CALN1: variants seen among roughly 807,000 people sequenced by gnomAD.
CALN1 encodes the protein calneuron 1, also known as calcium-binding protein 8.
Under a neutral mutation model 30.6 loss-of-function variants are expected in CALN1, and 17 were observed. That is an observed-to-expected ratio of 0.56 (90% CI 0.38 to 0.83). The LOEUF (loss-of-function observed/expected upper bound fraction) is 0.83, where lower values mean the gene tolerates loss of function less well. Among genes scored for constraint, CALN1 ranks in the 40% least tolerant of loss-of-function variants. The probability of loss-of-function intolerance (pLI) is 0.00; values close to 1 mark genes in which losing one functional copy is unlikely to be tolerated. For missense variants in CALN1, 291 were observed against 354.9 expected (o/e 0.82, Z 1.45); for synonymous variants, 156 against 131.4 (o/e 1.19, Z -1.28).
intron 5 of CALN1, among the ~76,000 whole-genome samples, chr7:71,822,723 A>G (rs1788667342): frequency 6.6e-6 from 1 of 152,222 alleles, no homozygotes; most frequent in South Asian, 2.1e-4. Context: ...TCTTGTATGT[A>G]ATAAGATTAA....
At chr7:72,212,753 T>C (rs1005330834) in intron 3 of CALN1, among the ~76,000 whole-genome samples, 13 of 150,414 alleles carry the variant, frequency 8.6e-5, no homozygotes, top group African/African-American at 2.9e-4. Context: ...GTTGGAGGCC[T>C]CAATGAGTTA....
chr7:72,344,679 GTA>G (rs1223972272), intron 2 of CALN1, among the ~76,000 whole-genome samples: 1 of 144,302 alleles, frequency 6.9e-6, no homozygotes, highest in Non-Finnish European at 1.5e-5. Flanking sequence ...TTTTATTTAT[GTA>G]TATAATTATT....
chr7:71,936,883 G>A lies in CALN1; in HGVS notation c.501+86774C>T, dbSNP rs113500518. Among the ~76,000 whole-genome samples the A allele has an allele frequency of 4.0e-3, 612 of 151,346 alleles. 4 individuals carry two copies. Among genetic ancestry groups the A allele is most frequent in the Non-Finnish European group, 6.9e-3 (470 of 68,020 alleles). On this transcript the variant is annotated intron_variant, in intron 5 of 6. Coordinates refer to ENST00000395275, the MANE Select transcript of CALN1 (RefSeq NM_031468.4). ...GTAGTGAGTAAGTCTCATGAGATCT[G>A]ATGGTTTTATCAGGAGTTTCTGCTT...
At chr7:72,002,261 T>C (rs1379920083) in intron 5 of CALN1, among the ~76,000 whole-genome samples, 1 of 152,154 alleles carries the variant, frequency 6.6e-6, no homozygotes, top group Non-Finnish European at 1.5e-5. Context: ...ACACCTAATA[T>C]ACTGAACATC....
intron 4 of CALN1, among the ~76,000 whole-genome samples, chr7:72,038,807 G>C (rs1801956437): frequency 3.3e-5 from 5 of 152,102 alleles, no homozygotes; most frequent in Admixed American, 3.3e-4. Flanking sequence ...ACATCAAGAA[G>C]TTACCCTATA....
chr7:71,877,044 C>T (rs1009167923), intron 5 of CALN1, among the ~76,000 whole-genome samples: 1 of 151,810 alleles, frequency 6.6e-6, no homozygotes, highest in African/African-American at 2.4e-5. Context: ...CTGATGAAAC[C>T]AGAAATTGAT....
At chr7:72,125,656 T>C (rs1379875422) in intron 3 of CALN1, among the ~76,000 whole-genome samples, 1 of 152,124 alleles carries the variant, frequency 6.6e-6, no homozygotes, top group Middle Eastern at 3.2e-3. Context: ...TTTTGTTACA[T>C]GGATAAGTTC....
intron 5 of CALN1, among the ~76,000 whole-genome samples, chr7:71,822,999 A>T (rs959211070): frequency 1.3e-5 from 2 of 152,198 alleles, no homozygotes; most frequent in Non-Finnish European, 2.9e-5. Flanking sequence ...GAACATTTAA[A>T]ACTATTTGAC....
chr7:72,431,283 T>TAAATA (rs1267134266), intron 1 of CALN1, among the ~76,000 whole-genome samples: 1 of 152,092 alleles, frequency 6.6e-6, no homozygotes. Context: ...TGGTGGGCCC[T>TAAATA]TTTCTTCAGG....
At chr7:72,325,398 C>T (rs1016452201) in intron 2 of CALN1, among the ~76,000 whole-genome samples, 4 of 152,066 alleles carry the variant, frequency 2.6e-5, no homozygotes, top group South Asian at 4.1e-4. Context: ...GTCAAGAGTT[C>T]GAGACCAGCC....
At chr7:71,889,889 TGGGAG>T (rs1361668154) in intron 5 of CALN1, among the ~76,000 whole-genome samples, 3 of 150,490 alleles carry the variant, frequency 2.0e-5, no homozygotes, top group Non-Finnish European at 2.9e-5. Context: ...CATTTGAACC[TGGGAG>T]GCAGAGGGTG....
intron 3 of CALN1, among the ~76,000 whole-genome samples, chr7:72,137,235 T>A (rs943878302): frequency 2.0e-5 from 3 of 152,134 alleles, no homozygotes; most frequent in African/African-American, 7.2e-5. Flanking sequence ...GGGTTTATCT[T>A]AGGGTTGGGA....
chr7:72,265,389 G>C (rs921857429), intron 3 of CALN1, among the ~76,000 whole-genome samples: 3 of 152,114 alleles, frequency 2.0e-5, no homozygotes, highest in Non-Finnish European at 2.9e-5. Flanking sequence ...AGTAGTCCCA[G>C]GGAACAGTTG....
At chr7:72,482,227 T>A in the CALN1 span, among the ~76,000 whole-genome samples, 2 of 152,170 alleles carry the variant, frequency 1.3e-5, no homozygotes, top group Admixed American at 1.3e-4. Flanking sequence ...TTAACATCAT[T>A]TGCTTCTGAC....
intron 5 of CALN1, among the ~76,000 whole-genome samples, chr7:71,848,909 A>G (rs950212117): frequency 1.3e-5 from 2 of 152,078 alleles, no homozygotes; most frequent in Non-Finnish European, 2.9e-5. Flanking sequence ...CTCCTTTTAT[A>G]TATTTTGCAT....
At chr7:71,887,958 G>A (rs1415434515) in intron 5 of CALN1, among the ~76,000 whole-genome samples, 4 of 152,064 alleles carry the variant, frequency 2.6e-5, no homozygotes, top group Non-Finnish European at 4.4e-5. Context: ...CCTGGGACCC[G>A]CGGAGTTTGA....
At chr7:72,154,745 A>G (rs1400816125) in intron 3 of CALN1, among the ~76,000 whole-genome samples, 2 of 152,160 alleles carry the variant, frequency 1.3e-5, no homozygotes, top group Non-Finnish European at 2.9e-5. Context: ...GGTGTCCTTA[A>G]TAAGAAGAGG....
intron 3 of CALN1, among the ~76,000 whole-genome samples, chr7:72,185,206 G>A (rs192314532): frequency 8.5e-5 from 13 of 152,138 alleles, no homozygotes; most frequent in East Asian, 3.9e-4. Context: ...GAGTCCAAGC[G>A]TAGAAAATGT....
intron 4 of CALN1, among the ~76,000 whole-genome samples, chr7:72,067,779 T>C: frequency 6.6e-6 from 1 of 151,890 alleles, no homozygotes; most frequent in East Asian, 1.9e-4. Context: ...TTGGTATGCT[T>C]GGGCCCCAGG....
Sources: allele counts gnomAD v4.1 joint callset (sites outside exome capture counted in the v4.1 genomes callset), GRCh38; gene constraint gnomAD v4.1.1; transcripts MANE v1.5; gene names NCBI Gene and HGNC (gene_info 2026-07-23, HGNC 2026-07-21).